The following CSMD2 variants were observed in gnomAD, a reference collection of about 807,000 sequenced individuals.
The protein encoded by CSMD2 is CUB and Sushi multiple domains 2.
CSMD2 carries 130 observed loss-of-function variants against 398.5 expected under a neutral mutation model. The observed-to-expected ratio is 0.33, with a 90% CI of 0.28 to 0.38. The LOEUF is 0.38. CSMD2 is among the 10% of genes least tolerant of loss of function. CSMD2 has a pLI of 1.00. For missense variants in CSMD2, 3,829 were observed against 4,764.9 expected (o/e 0.80, Z 5.78); for synonymous variants, 1,828 against 1,908.5 (o/e 0.96, Z 1.10).
rs867376512 is a variant in CSMD2 at position 33,890,555 on chromosome 1, T to G, written c.920+27539A>C. Among the ~76,000 whole-genome samples, 12 of 152,246 alleles carry G rather than the reference T, an allele frequency of 7.9e-5. No homozygotes were observed. In the South Asian group the frequency reaches 1.0e-3, roughly 13 times the overall value. ...TATTCTTTTAAAATTAAATTTTTTT[T>G]TGTGGGCTCTTTTTTTCAGCCCGCA... On this transcript the variant is annotated intron_variant, in intron 5 of 70. Transcript: ENST00000373381.
At chr1:33,714,377 G>A (rs1383126824) in intron 21 of CSMD2, among the ~76,000 whole-genome samples, 1 of 152,248 alleles carries the variant, frequency 6.6e-6, no homozygotes, top group Non-Finnish European at 1.5e-5. Flanking sequence ...ACTGCCTGAT[G>A]AAGCAGGGAT....
chr1:33,624,641 G>C lies in CSMD2; in HGVS notation c.5503C>G (p.Pro1835Ala). Reference sequence around the variant, plus strand: ...CGCTCTGTGAGGTTGCCTCCACACGGCACTGGGAGGAGAGGCCATCGGGTC... The same window carrying C: ...CGCTCTGTGAGGTTGCCTCCACACGCCACTGGGAGGAGAGGCCATCGGGTC... ...WNVSAPTCVV[P>A]CGGNLTERRG... Residue 1835 changes from proline (P) to alanine (A), a missense_variant and splice_region_variant, in exon 35 of 71, where the codon CCG becomes GCG. Around this residue, in one of 5 missense-constraint regions of CSMD2, gnomAD observed 2,001 missense variants for 2,567.1 expected, o/e 0.78. Transcript: ENST00000373381. This position sits in a 1 kb window ranked among gnomAD's most constrained non-coding sequence, Gnocchi z 4.7. 1 of 1,612,138 alleles carries C rather than the reference G, an allele frequency of 6.2e-7. No individual in the cohort carries two copies. Among genetic ancestry groups the C allele is most frequent in the African/African-American group, 1.3e-5 (1 of 75,004 alleles).
At chr1:33,864,399 C>T (rs557402837) in intron 5 of CSMD2, 35 of 1,614,020 alleles carry the variant, frequency 2.2e-5, no homozygotes, top group African/African-American at 8.0e-5. Context: ...CGACAAAGCC[C>T]GATACCAGGA....
At position 33,605,455 on chromosome 1, in the gene CSMD2, T is replaced by A; in HGVS notation, c.6359A>T (p.Glu2120Val). 6.2e-7 allele frequency: 1 copy of A among 1,614,152 alleles called. No homozygotes were observed. The highest frequency in any genetic ancestry group is 1.7e-5 in the Admixed American group (1 of 60,028). ...KLEYQAYELQ[E>V]CPDPEPFANG... Reference sequence around the variant, plus strand: ...GGCAAAGGGCTCTGGGTCTGGGCACTCTTGAAGTTCATAGGCTGGAAAAGA... The same window carrying A: ...GGCAAAGGGCTCTGGGTCTGGGCACACTTGAAGTTCATAGGCTGGAAAAGA... Residue 2120 changes from glutamate to valine, a missense_variant, in exon 42 of 71, where the codon GAG becomes GTG. By Grantham distance (121) the Glu-to-Val change is moderately radical. Around this residue, in one of 5 missense-constraint regions of CSMD2, gnomAD observed 2,001 missense variants for 2,567.1 expected, o/e 0.78. Transcript: ENST00000373381.
At position 33,635,742 on chromosome 1, in the gene CSMD2, C is replaced by T. The variant is rs1012980970; in HGVS notation, c.4970-412G>A. 2.6e-5 allele frequency among the ~76,000 whole-genome samples: 4 copies of T among 152,248 alleles called. No homozygotes were observed. The highest frequency in any genetic ancestry group is 2.1e-4 in the South Asian group (1 of 4,828). On this transcript the variant is annotated intron_variant, in intron 30 of 70. Transcript: ENST00000373381. This position sits in a 1 kb window ranked among gnomAD's most constrained non-coding sequence, Gnocchi z 5.0. ...TGTGAATAGGGAGCTGAAGCTTCCC[C>T]GGACTAACCCCATGGGGAGTGGCCA...
intron 44 of CSMD2, among the ~76,000 whole-genome samples, chr1:33,595,325 C>A (rs1463848944): frequency 6.6e-6 from 1 of 152,156 alleles, no homozygotes; most frequent in Non-Finnish European, 1.5e-5. Flanking sequence ...TTCAGCTTGT[C>A]TTCTGCAACT....
Position 33,918,235 on chromosome 1 carries a change from G to A in CSMD2, c.779C>T (p.Ser260Leu), listed in dbSNP as rs759006019. The change falls in exon 5 of 71, where the codon TCG becomes TTG. Residue 260 changes from serine to leucine, a missense_variant. Transcript: ENST00000373381. ...GCAGTCGGCATTGTTATGGTACTCC[G>A]AGGGGAAGTGGGGGCTGGAGATGAT... ...SGIISSPHFP[S>L]EYHNNADCTW... is the part of the protein sequence containing the mutation. 4.0e-5 allele frequency: 65 copies of A among 1,614,162 alleles called. No homozygotes were observed. The highest frequency in any genetic ancestry group is 6.7e-5 in the East Asian group (3 of 44,878).
At chr1:33,873,194 G>A (rs551113770) in intron 5 of CSMD2, among the ~76,000 whole-genome samples, 14 of 152,332 alleles carry the variant, frequency 9.2e-5, no homozygotes, top group African/African-American at 3.4e-4. Flanking sequence ...TGGACTTTCA[G>A]TTGGTGCTCC....
At chr1:33,600,255 A>T (rs2148801077) in intron 44 of CSMD2, 2 of 693,282 alleles carry the variant, frequency 2.9e-6, no homozygotes, top group Non-Finnish European at 5.3e-6. Flanking sequence ...TAAATTGCAA[A>T]TATGTGCATC....
intron 12 of CSMD2, among the ~76,000 whole-genome samples, chr1:33,785,211 C>T (rs1653376983): frequency 6.6e-6 from 1 of 152,216 alleles, no homozygotes; most frequent in African/African-American, 2.4e-5. Flanking sequence ...ATAACAAAAG[C>T]TTAGCCAATA....
intron 3 of CSMD2, among the ~76,000 whole-genome samples, chr1:33,963,750 T>C (rs1645454317): frequency 6.6e-6 from 1 of 152,264 alleles, no homozygotes; most frequent in South Asian, 2.1e-4. Context: ...CCTTCTTGTT[T>C]ATTGCTGCAT....
At chr1:34,102,155 C>G (rs758188754) in intron 1 of CSMD2, among the ~76,000 whole-genome samples, 1 of 151,980 alleles carries the variant, frequency 6.6e-6, no homozygotes. Context: ...CTCAGCCTCC[C>G]GATTAGCTGG....
At chr1:33,890,930 C>T (rs1455262038) in intron 5 of CSMD2, among the ~76,000 whole-genome samples, 1 of 152,100 alleles carries the variant, frequency 6.6e-6, no homozygotes, top group Non-Finnish European at 1.5e-5. Flanking sequence ...AACGTTAGAC[C>T]TAAAACCATA....
chr1:33,566,807 C>T (rs980759301), intron 53 of CSMD2, among the ~76,000 whole-genome samples: 8 of 152,000 alleles, frequency 5.3e-5, no homozygotes, highest in Non-Finnish European at 1.2e-4. Flanking sequence ...ACAGGAAGTG[C>T]AAGGAAAAAC....
chr1:34,025,103 C>T (rs898816881), intron 3 of CSMD2, among the ~76,000 whole-genome samples: 1 of 152,178 alleles, frequency 6.6e-6, no homozygotes, highest in Non-Finnish European at 1.5e-5. Context: ...AGGCTTGCTC[C>T]TAACCTGCGT....
intron 13 of CSMD2, among the ~76,000 whole-genome samples, chr1:33,759,903 C>T (rs2149298979): frequency 6.6e-6 from 1 of 152,246 alleles, no homozygotes; most frequent in Admixed American, 6.5e-5. Context: ...ATATTGTCAC[C>T]CTACTCATGG....
At chr1:33,883,536 G>A (rs1399941507) in intron 5 of CSMD2, among the ~76,000 whole-genome samples, 2 of 152,144 alleles carry the variant, frequency 1.3e-5, no homozygotes, top group African/African-American at 4.8e-5. Context: ...AGCCTAGGGT[G>A]AGTATTGAAA....
intron 3 of CSMD2, among the ~76,000 whole-genome samples, chr1:33,951,962 C>T (rs375516207): frequency 9.9e-5 from 15 of 152,198 alleles, no homozygotes; most frequent in African/African-American, 3.6e-4. Context: ...CTCAACCTTT[C>T]AAGACTCAGT....
At chr1:33,522,240 G>T (rs901978902) in intron 67 of CSMD2, among the ~76,000 whole-genome samples, 1 of 152,182 alleles carries the variant, frequency 6.6e-6, no homozygotes, top group Admixed American at 6.5e-5. Context: ...GCCCTCCGCA[G>T]CTGTCCCCGC....
Sources: gnomAD v4.1 joint callset for allele counts (sites outside exome capture counted in the v4.1 genomes callset) on GRCh38, gnomAD v4.1.1 for gene constraint, gnomAD v4.1.1 regional missense constraint, Gnocchi (gnomAD v3.1) non-coding constraint, MANE v1.5 for transcripts, NCBI Gene and HGNC (gene_info 2026-07-23, HGNC 2026-07-21) for gene names.